CIT: variants seen among roughly 807,000 people sequenced by gnomAD.
CIT encodes the protein citron rho-interacting serine/threonine kinase, also known as citron Rho-interacting kinase.
Under a neutral mutation model 272.7 loss-of-function variants are expected in CIT, and 79 were observed. The ratio of observed to expected loss-of-function variants is 0.29; its 90% CI spans 0.24 to 0.35. CIT has a LOEUF of 0.35. Ranked by LOEUF, CIT falls within the 10% of genes least tolerant of loss-of-function variation. The pLI is 1.00. For missense variants in CIT, 1,909 were observed against 2,618.3 expected (o/e 0.73, Z 5.91); for synonymous variants, 948 against 995.6 (o/e 0.95, Z 0.90).
chr12:119,809,025 G>C (rs566515207), intron 9 of CIT, among the ~76,000 whole-genome samples: 2 of 152,212 alleles, frequency 1.3e-5, no homozygotes, highest in South Asian at 2.1e-4. Flanking sequence ...GTACTTTTTT[G>C]CAAGTTCCTG....
intron 13 of CIT, among the ~76,000 whole-genome samples, chr12:119,778,851 C>T (rs974049242): frequency 6.6e-6 from 1 of 152,160 alleles, no homozygotes; most frequent in African/African-American, 2.4e-5. Context: ...CACAGGTTTC[C>T]TGGGTCATGC....
At chr12:119,800,512 A>C (rs1410735649) in intron 10 of CIT, among the ~76,000 whole-genome samples, 1 of 152,224 alleles carries the variant, frequency 6.6e-6, no homozygotes, top group African/African-American at 2.4e-5. Flanking sequence ...CAATTTCTCC[A>C]CAAAAACTCC....
Position 119,717,332 on chromosome 12 carries a change from G to A in CIT, c.4168+913C>T, listed in dbSNP as rs192479527. 3.4e-4 allele frequency among the ~76,000 whole-genome samples: 51 copies of A among 151,754 alleles called. 1 individual carries two copies. The highest frequency in any genetic ancestry group is 3.0e-3 in the Admixed American group (46 of 15,244). ...CTCCCAAAGTGCTGGGATTACAGGC[G>A]TGAGCCACCACTATAATATTTATAA... On this transcript the variant is annotated intron_variant, in intron 32 of 47. Coordinates refer to ENST00000392521, the MANE Select transcript of CIT (RefSeq NM_001206999.2).
intron 43 of CIT, chr12:119,701,108 C>G (rs2136982104): frequency 5.8e-6 from 1 of 171,196 alleles, no homozygotes; most frequent in Middle Eastern, 2.7e-3. Context: ...GAGAAAGAGA[C>G]AGAGAGAGAG....
Position 119,850,263 on chromosome 12 carries a change from C to CA in CIT, c.426dup (p.Glu143Ter), listed in dbSNP as rs763954129. On this transcript the variant is annotated frameshift_variant, in exon 5 of 48. Coordinates refer to ENST00000392521, the MANE Select transcript of CIT (RefSeq NM_001206999.2). LOFTEE classifies it high-confidence loss of function. Reference sequence around the variant, plus strand: ...CGAGATAATATGTTCCGCTCTTCCTCAAAAAATGAAACCTAGGGAAAAAAG... The same window carrying CA: ...CGAGATAATATGTTCCGCTCTTCCTCAAAAAAATGAAACCTAGGGAAAAAAG... The CA allele has an allele frequency of 1.6e-5, 25 of 1,606,700 alleles. No individual in the cohort carries two copies. The highest frequency in any genetic ancestry group is 2.0e-5 in the Non-Finnish European group (23 of 1,176,288).
Position 119,712,272 on chromosome 12 carries a change from G to A in CIT, c.4760C>T (p.Ala1587Val), listed in dbSNP as rs529422865. The change falls in exon 37 of 48, where the codon GCT (alanine) becomes GTT (valine). Residue 1587 changes from alanine (A) to valine (V), a missense_variant. By Grantham distance (64) the Ala-to-Val change is moderately conservative (BLOSUM62 0). This residue lies in a region of CIT where 780 missense variants were observed against 1,067.2 expected (regional missense o/e 0.73). Coordinates refer to ENST00000392521, the MANE Select transcript of CIT (RefSeq NM_001206999.2). The surrounding 1 kb of genome is among the most constrained non-coding windows in gnomAD (Gnocchi z 5.2). The stretch of plus-strand genomic sequence containing the variant: ...GCGCTGTTTGTCAGGGAAGCTGGGA[G>A]CTAGCAAGTAGAGGGTTCTCCCGGG... ...CWPGRTLYLL[A>V]PSFPDKQRWV... The A allele has an allele frequency of 6.2e-7, 1 of 1,614,190 alleles. No individual in the cohort carries two copies. Among genetic ancestry groups the A allele is most frequent in the East Asian group, 2.2e-5 (1 of 44,886 alleles).
At chr12:119,803,989 T>C (rs918868404) in intron 9 of CIT, 27 of 130,310 alleles carry the variant, frequency 2.1e-4, no homozygotes, top group Non-Finnish European at 3.1e-4. Context: ...TATTAACCAC[T>C]TTTTTTTTTT....
At position 119,730,513 on chromosome 12, in the gene CIT, G is replaced by A. The variant is rs377599267; in HGVS notation, c.3468C>T (p.Ala1156=). 65 of 1,613,042 alleles carry A rather than the reference G, an allele frequency of 4.0e-5. No individual in the cohort carries two copies. Among genetic ancestry groups the A allele is most frequent in the East Asian group, 2.0e-4 (9 of 44,858 alleles). The change falls in exon 27 of 48, where the codon GCC becomes GCT. Residue 1156 remains alanine (A), a synonymous_variant. Transcript: ENST00000392521. The part of the protein sequence containing the change: ...QQALKEQKLK[A]ESLSDKLNDL... The stretch of plus-strand genomic sequence containing the variant: ...CGCTGACCTTGTCAGAGAGGCTCTC[G>A]GCCTTCAGCTTCTGCTCTTTGAGAG...
chr12:119,738,074 G>C (rs1338370517), intron 24 of CIT, among the ~76,000 whole-genome samples: 3 of 152,146 alleles, frequency 2.0e-5, no homozygotes, highest in Non-Finnish European at 4.4e-5. Context: ...TTTATAGATG[G>C]GGAAATTGGG....
chr12:119,821,380 T>G (rs1444698249), intron 9 of CIT, among the ~76,000 whole-genome samples: 1 of 152,192 alleles, frequency 6.6e-6, no homozygotes, highest in African/African-American at 2.4e-5. Flanking sequence ...GTCAAATATA[T>G]TATGCCTAAT....
intron 24 of CIT, among the ~76,000 whole-genome samples, chr12:119,740,158 A>G (rs949741604): frequency 1.3e-5 from 2 of 152,230 alleles, no homozygotes; most frequent in African/African-American, 4.8e-5. Context: ...GAAGGCCCCC[A>G]TAGGCTTCGC....
chr12:119,753,513 G>C (rs1225222585), intron 22 of CIT, among the ~76,000 whole-genome samples: 1 of 152,128 alleles, frequency 6.6e-6, no homozygotes, highest in Non-Finnish European at 1.5e-5. Flanking sequence ...GAGGTGGGCA[G>C]ATCACGAGGT....
intron 28 of CIT, among the ~76,000 whole-genome samples, chr12:119,726,422 G>A (rs1311105785): frequency 3.4e-5 from 4 of 118,732 alleles, no homozygotes; most frequent in African/African-American, 1.3e-4. Context: ...TGTAGAGATG[G>A]GGTCTCACTA....
At chr12:119,708,357 C>T in intron 39 of CIT, 39 bp from the exon 40 acceptor site, 3 of 1,485,398 alleles carry the variant, frequency 2.0e-6, no homozygotes, top group Non-Finnish European at 2.7e-6. Flanking sequence ...CAGTGTGAAG[C>T]CGTTAAGTAA....
intron 9 of CIT, among the ~76,000 whole-genome samples, chr12:119,819,128 G>T (rs1967462828): frequency 6.6e-6 from 1 of 152,152 alleles, no homozygotes; most frequent in East Asian, 1.9e-4. Flanking sequence ...ACCCCCCACT[G>T]AAACTTGGAA....
chr12:119,814,425 C>T (rs1055215491), intron 9 of CIT, among the ~76,000 whole-genome samples: 2 of 152,058 alleles, frequency 1.3e-5, no homozygotes, highest in African/African-American at 2.4e-5. Flanking sequence ...TAGTAGGTGG[C>T]GCCCACACGC....
At chr12:119,724,930 CAAAAAAAAAAAAAAA>C (rs35757526) in intron 28 of CIT, among the ~76,000 whole-genome samples, 8 of 44,550 alleles carry the variant, frequency 1.8e-4, no homozygotes, top group African/African-American at 2.2e-4. Flanking sequence ...GACTCCATCT[CAAAAAAAAAAAAAAA>C]AAAAAAAAAA....
At chr12:119,824,038 CAAAA>C (rs33990395) in intron 8 of CIT, among the ~76,000 whole-genome samples, 8 of 50,700 alleles carry the variant, frequency 1.6e-4, no homozygotes, top group African/African-American at 6.0e-4. Context: ...GACTCCATCT[CAAAA>C]AAAAAAAAAA....
intron 22 of CIT, among the ~76,000 whole-genome samples, chr12:119,756,580 A>G (rs1343354933): frequency 4.0e-5 from 6 of 151,566 alleles, no homozygotes; most frequent in Non-Finnish European, 8.8e-5. Flanking sequence ...AGGTGGGGGG[A>G]GGGGGTTGCA....
Sources: gnomAD v4.1 joint callset for allele counts (sites outside exome capture counted in the v4.1 genomes callset) on GRCh38, gnomAD v4.1.1 for gene constraint, gnomAD v4.1.1 regional missense constraint, Gnocchi (gnomAD v3.1) non-coding constraint, MANE v1.5 for transcripts, NCBI Gene and HGNC (gene_info 2026-07-23, HGNC 2026-07-21) for gene names.